The following SLC9A4 variants were observed in gnomAD, a reference collection of about 807,000 sequenced individuals.
SLC9A4 encodes sodium/hydrogen exchanger 4.
Under a neutral mutation model 67.4 loss-of-function variants are expected in SLC9A4, and 63 were observed. The observed-to-expected ratio is 0.93, with a 90% confidence interval of 0.76 to 1.15. The LOEUF is 1.15. SLC9A4 is among the 50% of genes most tolerant of loss of function. SLC9A4 has a pLI of 0.00. For synonymous variants in SLC9A4, 393 were observed against 367.2 expected, an observed-to-expected ratio of 1.07 and a Z score of -0.80; for missense variants, 1,089 against 987.7, an observed-to-expected ratio of 1.10 and a Z score of -1.38.
intron 2 of SLC9A4, 23 bp downstream of exon 2, chr2:102,479,325 G>C (rs754634731): frequency 1.9e-6 from 3 of 1,579,304 alleles, no homozygotes; most frequent in South Asian, 2.3e-5. Context: ...GTGCCCGCCC[G>C]GCTTCCGGGG....
chr2:102,475,159 C>A (rs13030675), intron 1 of SLC9A4, among the ~76,000 whole-genome samples: 32,424 of 152,184 alleles, frequency 0.21, 3,888 homozygotes, highest in African/African-American at 0.32. Flanking sequence ...CACAAAGGAT[C>A]TTACTATATT....
chr2:102,498,203 T>C (rs904640722), intron 2 of SLC9A4, among the ~76,000 whole-genome samples: 2 of 152,252 alleles, frequency 1.3e-5, no homozygotes, highest in Admixed American at 1.3e-4. Context: ...TTTGCAACTA[T>C]AATGTTACCC....
intron 3 of SLC9A4, among the ~76,000 whole-genome samples, 163 bp from the exon 4 acceptor site, chr2:102,505,091 G>A (rs763400041): frequency 2.0e-5 from 3 of 152,148 alleles, no homozygotes; most frequent in Non-Finnish European, 4.4e-5. Context: ...GGAAAAGAGG[G>A]AGAAAGAAAA....
intron 1 of SLC9A4, among the ~76,000 whole-genome samples, 175 bp from the exon 2 acceptor site, chr2:102,478,664 C>T (rs1684384044): frequency 6.6e-6 from 1 of 152,196 alleles, no homozygotes; most frequent in African/African-American, 2.4e-5. Context: ...GGCATGTTAC[C>T]TACTGATCTT....
intron 2 of SLC9A4, among the ~76,000 whole-genome samples, chr2:102,485,011 G>A (rs1049956876): frequency 6.6e-6 from 1 of 152,102 alleles, no homozygotes; most frequent in East Asian, 1.9e-4. Flanking sequence ...CACCTTGATG[G>A]GTGCTTCATG....
chr2:102,488,321 T>C (rs961459430), intron 2 of SLC9A4, among the ~76,000 whole-genome samples: 3 of 152,256 alleles, frequency 2.0e-5, no homozygotes, highest in African/African-American at 4.8e-5. Flanking sequence ...AGTTTCCTTA[T>C]AGCTTCCTCC....
chr2:102,489,226 G>A (rs543206441), intron 2 of SLC9A4, among the ~76,000 whole-genome samples: 1 of 152,270 alleles, frequency 6.6e-6, no homozygotes, highest in African/African-American at 2.4e-5. Context: ...AGGAGGAGAG[G>A]GATTTGCATA....
chr2:102,487,455 G>A (rs1684611944), intron 2 of SLC9A4, among the ~76,000 whole-genome samples: 1 of 152,148 alleles, frequency 6.6e-6, no homozygotes, highest in Admixed American at 6.5e-5. Context: ...TGGAGTCTAA[G>A]CCACAGACTT....
chr2:102,513,233 G>T (rs11676371), intron 7 of SLC9A4, among the ~76,000 whole-genome samples: 2 of 151,968 alleles, frequency 1.3e-5, no homozygotes, highest in Admixed American at 1.3e-4. Flanking sequence ...GAGCCGAGCT[G>T]GGACAGCAAA....
At position 102,474,062 on chromosome 2, in the gene SLC9A4, A is replaced by T. The variant is rs756810719; in HGVS notation, c.256+47A>T. On this transcript the variant is annotated intron_variant, in intron 1 of 11. Transcript: ENST00000295269. ...TTGGTGAGTTATCTTTTTACATAAG[A>T]TAGTGAATGTGAAAATGCCTTATAG... 1.2e-5 allele frequency: 19 copies of T among 1,584,724 alleles called. No homozygotes were observed. The Admixed American group carries it at 3.1e-4, about 26-fold the overall frequency.
At chr2:102,513,705 T>G (rs537923658) in intron 7 of SLC9A4, among the ~76,000 whole-genome samples, 1 of 152,360 alleles carries the variant, frequency 6.6e-6, no homozygotes, top group Non-Finnish European at 1.5e-5. Context: ...CTGCCGCTGT[T>G]ATGCGCTATT....
intron 5 of SLC9A4, 91 bp from the exon 6 acceptor site, chr2:102,508,756 G>A (rs1472204921): frequency 2.2e-6 from 2 of 920,720 alleles, no homozygotes; most frequent in Non-Finnish European, 3.3e-6. Context: ...CATATAGATT[G>A]GACATTCTAA....
chr2:102,501,173 G>C (rs1441529411), intron 2 of SLC9A4, among the ~76,000 whole-genome samples: 1 of 151,572 alleles, frequency 6.6e-6, no homozygotes, highest in African/African-American at 2.4e-5. Context: ...CCAGGCTGGA[G>C]TACACTGGTG....
In SLC9A4 at chr2:102,479,182, C is replaced by T; in HGVS notation, c.600C>T (p.Gly200=). The change falls in exon 2 of 12, where the codon GGC becomes GGT. Residue 200 remains glycine (G), a synonymous_variant. Transcript: ENST00000295269. Reference sequence around the variant, plus strand: ...ACCTGCTGCAGAACCTGCTGTTCGGCAGCCTGATCTCCGCCGTGGACCCAG... The same window carrying T: ...ACCTGCTGCAGAACCTGCTGTTCGGTAGCCTGATCTCCGCCGTGGACCCAG... ...DVNLLQNLLF[G]SLISAVDPVA... is the part of the protein sequence containing the mutation. 1.9e-6 allele frequency: 3 copies of T among 1,614,196 alleles called. No individual in the cohort carries two copies. The highest frequency in any genetic ancestry group is 2.5e-6 in the Non-Finnish European group (3 of 1,180,020).
At chr2:102,483,841 T>TACACACACAC (rs34552153) in intron 2 of SLC9A4, among the ~76,000 whole-genome samples, 9 of 126,778 alleles carry the variant, frequency 7.1e-5, no homozygotes, top group East Asian at 2.4e-4. Flanking sequence ...TATATATATA[T>TACACACACAC]ACACACACAC....
intron 2 of SLC9A4, among the ~76,000 whole-genome samples, chr2:102,494,709 A>G (rs1684770670): frequency 6.6e-6 from 1 of 152,122 alleles, no homozygotes; most frequent in Non-Finnish European, 1.5e-5. Flanking sequence ...CAGTTAAAAG[A>G]CATAAAGATA....
intron 8 of SLC9A4, among the ~76,000 whole-genome samples, chr2:102,516,102 G>A (rs1465790931): frequency 6.6e-6 from 1 of 152,148 alleles, no homozygotes; most frequent in African/African-American, 2.4e-5. Context: ...TTGAATTTTT[G>A]TATTACATTG....
chr2:102,496,949 A>G (rs1293172570), intron 2 of SLC9A4, among the ~76,000 whole-genome samples: 2 of 152,152 alleles, frequency 1.3e-5, no homozygotes, highest in African/African-American at 4.8e-5. Context: ...TTTTTGAGAG[A>G]GAGTCTCACT....
intron 8 of SLC9A4, among the ~76,000 whole-genome samples, chr2:102,517,765 A>G (rs1389705696): frequency 6.6e-6 from 1 of 152,258 alleles, no homozygotes; most frequent in Admixed American, 6.5e-5. Context: ...TATGGGAAAG[A>G]TGAACGTTAT....
Sources: allele counts gnomAD v4.1 joint callset (sites outside exome capture counted in the v4.1 genomes callset), GRCh38; gene constraint gnomAD v4.1.1; transcripts MANE v1.5; gene names NCBI Gene and HGNC (gene_info 2026-07-23, HGNC 2026-07-21).